The following SORBS2 variants were observed in gnomAD, a reference collection of about 807,000 sequenced individuals.
SORBS2 encodes sorbin and SH3 domain containing 2, also known as sorbin and SH3 domain-containing protein 2.
In SORBS2, 46 loss-of-function variants were observed where a neutral mutation model predicts 97.7. The observed-to-expected ratio is 0.47, with a 90% CI of 0.37 to 0.60. The LOEUF (loss-of-function observed/expected upper bound fraction) is 0.60. Among genes scored for constraint, SORBS2 ranks in the 20% least tolerant of loss-of-function variants. The probability of loss-of-function intolerance (pLI) is 0.00; values close to 1 mark genes in which losing one functional copy is unlikely to be tolerated. For synonymous variants in SORBS2, 476 were observed against 473.4 expected (o/e 1.01, Z -0.07); for missense variants, 1,316 against 1,282.3 (o/e 1.03, Z -0.40).
intron 1 of SORBS2, among the ~76,000 whole-genome samples, chr4:185,790,025 A>G (rs2099073375): frequency 6.6e-6 from 1 of 152,180 alleles, no homozygotes; most frequent in Non-Finnish European, 1.5e-5. Flanking sequence ...ACTGTAGTTA[A>G]AAAGTTCATG....
intron 1 of SORBS2, among the ~76,000 whole-genome samples, chr4:185,809,482 A>AAAAAAAAAAAAAAC (rs1561170208): frequency 1.4e-5 from 2 of 147,894 alleles, no homozygotes; most frequent in Non-Finnish European, 1.5e-5. Context: ...AAAAAAAAAA[A>AAAAAAAAAAAAAAC]TCTGATATAG....
intron 1 of SORBS2, among the ~76,000 whole-genome samples, chr4:185,921,638 T>C (rs1202982857): frequency 6.6e-6 from 1 of 152,168 alleles, no homozygotes; most frequent in East Asian, 1.9e-4. Context: ...GTAGAAAGTA[T>C]ATTTCTGAGA....
At chr4:185,806,357 A>T (rs2099153326) in intron 1 of SORBS2, among the ~76,000 whole-genome samples, 1 of 150,992 alleles carries the variant, frequency 6.6e-6, no homozygotes, top group South Asian at 2.1e-4. Flanking sequence ...CATTTAAAAC[A>T]CTTGCCATTC....
At chr4:185,908,092 A>T (rs1189683305) in intron 1 of SORBS2, among the ~76,000 whole-genome samples, 1 of 151,870 alleles carries the variant, frequency 6.6e-6, no homozygotes, top group East Asian at 1.9e-4. Context: ...AAACAAGCGC[A>T]TTCTCAGGAT....
upstream of SORBS2, among the ~76,000 whole-genome samples, chr4:185,660,707 G>T (rs986288980): frequency 1.3e-5 from 2 of 152,136 alleles, no homozygotes; most frequent in African/African-American, 4.8e-5. Flanking sequence ...GAGGTGCACT[G>T]TCTGTGTCAA....
chr4:185,704,598 C>T (rs1254760333), intron 2 of SORBS2, among the ~76,000 whole-genome samples: 6 of 152,086 alleles, frequency 3.9e-5, no homozygotes, highest in Non-Finnish European at 7.4e-5. Flanking sequence ...GGATTACAGG[C>T]GTGAGCCACC....
At chr4:185,905,399 C>T (rs1334311575) in intron 1 of SORBS2, among the ~76,000 whole-genome samples, 1 of 152,108 alleles carries the variant, frequency 6.6e-6, no homozygotes, top group East Asian at 1.9e-4. Context: ...TCAAGAGATA[C>T]TAAAAGCTGT....
chr4:185,915,501 G>A (rs1338536050), intron 1 of SORBS2, among the ~76,000 whole-genome samples: 1 of 152,202 alleles, frequency 6.6e-6, no homozygotes, highest in African/African-American at 2.4e-5. Flanking sequence ...AGGACCAGGA[G>A]AGTACATACA....
chr4:185,867,861 G>C (rs557988301), intron 1 of SORBS2, among the ~76,000 whole-genome samples: 1 of 152,054 alleles, frequency 6.6e-6, no homozygotes, highest in African/African-American at 2.4e-5. Context: ...CCTCGAGGGG[G>C]CACCGTCTCT....
chr4:185,909,450 G>T (rs1210609228), intron 1 of SORBS2, among the ~76,000 whole-genome samples: 2 of 151,998 alleles, frequency 1.3e-5, no homozygotes, highest in African/African-American at 4.8e-5. Flanking sequence ...CATTATCTGG[G>T]TGATGGATCT....
chr4:185,638,917 G>T, intron 4 of SORBS2: 1 of 1,502,356 alleles, frequency 6.7e-7, no homozygotes, highest in South Asian at 1.3e-5. Context: ...GCTTGGTGTG[G>T]GGGCGCCACT....
exon 6 of SORBS2, chr4:185,626,965 C>G: frequency 6.2e-7 from 1 of 1,614,144 alleles, no homozygotes; most frequent in Non-Finnish European, 8.5e-7. Context: ...GTGGTGGACC[C>G]ACTGCAGGCT....
intron 4 of SORBS2, chr4:185,677,219 T>C: frequency 5.8e-6 from 9 of 1,551,674 alleles, no homozygotes; most frequent in Non-Finnish European, 7.8e-6. Context: ...ATGACGGTAC[T>C]TCGACAGATT....
At chr4:185,672,204 T>G (rs1429820986) in intron 4 of SORBS2, among the ~76,000 whole-genome samples, 1 of 152,252 alleles carries the variant, frequency 6.6e-6, no homozygotes, top group Non-Finnish European at 1.5e-5. Flanking sequence ...ATCTACATAC[T>G]GATCCCATGG....
intron 2 of SORBS2, 93 bp downstream of exon 3, chr4:185,734,006 C>G (rs878914982): frequency 1.3e-5 from 2 of 152,746 alleles, no homozygotes; most frequent in South Asian, 4.1e-4. Context: ...ACTGGGAAAT[C>G]TTTTTGTTAG....
chr4:185,917,640 G>A (rs1048214046), intron 1 of SORBS2, among the ~76,000 whole-genome samples: 12 of 152,096 alleles, frequency 7.9e-5, no homozygotes, highest in African/African-American at 2.9e-4. Context: ...ATAGCCAGCC[G>A]GTCAGAAGCA....
intron 1 of SORBS2, among the ~76,000 whole-genome samples, chr4:185,871,900 T>C (rs2603723): frequency 0.85 from 129,345 of 152,276 alleles, 55,351 homozygotes; most frequent in African/African-American, 0.96. Context: ...GAGATGTGAC[T>C]TCCTTCTCTC....
intron 1 of SORBS2, among the ~76,000 whole-genome samples, chr4:185,837,472 G>A (rs1459633090): frequency 6.6e-6 from 1 of 152,168 alleles, no homozygotes; most frequent in African/African-American, 2.4e-5. Flanking sequence ...AAAAACCCCA[G>A]GTGAAAAGCT....
At chr4:185,588,521 G>A (rs1162868794) in intron 14 of SORBS2, among the ~76,000 whole-genome samples, 1 of 150,772 alleles carries the variant, frequency 6.6e-6, no homozygotes, top group Non-Finnish European at 1.5e-5. Flanking sequence ...CCTATATCCT[G>A]GCACTTACTG....
Sources: gnomAD v4.1 joint callset for allele counts (sites outside exome capture counted in the v4.1 genomes callset) on GRCh38, gnomAD v4.1.1 for gene constraint, MANE v1.5 for transcripts, NCBI Gene and HGNC (gene_info 2026-07-23, HGNC 2026-07-21) for gene names.